TBC1D8: variants seen among roughly 807,000 people sequenced by gnomAD.
TBC1D8 encodes BUB2-like protein 1.
A neutral mutation model predicts 118.8 loss-of-function variants in TBC1D8; 65 were observed. The ratio of observed to expected loss-of-function variants is 0.55; its 90% confidence interval spans 0.45 to 0.67. The LOEUF (loss-of-function observed/expected upper bound fraction) is 0.67, where lower values mean the gene tolerates loss of function less well. Ranked by LOEUF, TBC1D8 falls within the 30% of genes least tolerant of loss-of-function variation. TBC1D8 has a pLI of 0.00. For missense variants in TBC1D8, 1,376 were observed against 1,471.2 expected, an observed-to-expected ratio of 0.94 and a Z score of 1.06; for synonymous variants, 566 against 595.8, an observed-to-expected ratio of 0.95 and a Z score of 0.73.
chr2:101,050,245 G>C (rs1681976294), intron 5 of TBC1D8, among the ~76,000 whole-genome samples, 156 bp downstream of exon 5: 1 of 152,178 alleles, frequency 6.6e-6, no homozygotes, highest in Admixed American at 6.5e-5. Flanking sequence ...TCATATCTCT[G>C]TCGAGATTAA....
rs368448239 is a variant in TBC1D8 at position 101,038,608 on chromosome 2, G to C, written c.1128C>G (p.Pro376=). The C allele has an allele frequency of 2.3e-5, 37 of 1,613,868 alleles. No homozygotes were observed. The highest frequency in any genetic ancestry group is 3.1e-5 in the Non-Finnish European group (36 of 1,179,928). The change falls in exon 7 of 20, where the codon CCC becomes CCG. Residue 376 remains proline (P), a synonymous_variant. Transcript: ENST00000409318. ...CCTTGCTTCTGATACTGACAATGAT[G>C]GGATGCGGCAGCAGGCTCGTGTCCT... ...KMEDTSLLPH[P]IIVSIRSKVA...
At chr2:101,142,603 C>A (rs1268959879) in intron 1 of TBC1D8, among the ~76,000 whole-genome samples, 1 of 152,102 alleles carries the variant, frequency 6.6e-6, no homozygotes, top group African/African-American at 2.4e-5. Flanking sequence ...CGGCAGCTAC[C>A]ATGGGTCAAA....
chr2:101,053,285 C>T (rs1189290433), intron 4 of TBC1D8, among the ~76,000 whole-genome samples: 5 of 152,134 alleles, frequency 3.3e-5, no homozygotes, highest in South Asian at 2.1e-4. Flanking sequence ...GGGCACACTC[C>T]GAGGGTGTGG....
intron 1 of TBC1D8, among the ~76,000 whole-genome samples, chr2:101,095,781 G>T (rs536264085): frequency 1.3e-5 from 2 of 152,192 alleles, no homozygotes; most frequent in South Asian, 4.1e-4. Flanking sequence ...CATGCAAAAA[G>T]GGCATTTCTC....
intron 1 of TBC1D8, among the ~76,000 whole-genome samples, chr2:101,116,149 T>A (rs1164667679): frequency 6.6e-6 from 1 of 152,200 alleles, no homozygotes. Flanking sequence ...TTTCCAAGTT[T>A]CTTTCTGGTA....
intron 2 of TBC1D8, among the ~76,000 whole-genome samples, chr2:101,077,244 T>C (rs1674897956): frequency 6.7e-6 from 1 of 148,156 alleles, no homozygotes; most frequent in African/African-American, 2.5e-5. Context: ...AGGATGGTCT[T>C]GATCTCCTGA....
chr2:101,049,276 C>G (rs755104395), intron 5 of TBC1D8, among the ~76,000 whole-genome samples: 1 of 152,230 alleles, frequency 6.6e-6, no homozygotes, highest in Non-Finnish European at 1.5e-5. Flanking sequence ...AAACAACTAT[C>G]TCACAAGTCT....
chr2:101,074,327 A>T (rs1322144420), intron 2 of TBC1D8, among the ~76,000 whole-genome samples: 1 of 152,212 alleles, frequency 6.6e-6, no homozygotes, highest in Admixed American at 6.5e-5. Context: ...TTACAACAGT[A>T]ACAACTAAGA....
intron 1 of TBC1D8, among the ~76,000 whole-genome samples, chr2:101,110,257 C>A (rs150047191): frequency 6.6e-6 from 1 of 152,316 alleles, no homozygotes; most frequent in South Asian, 2.1e-4. Flanking sequence ...CTCAGAGAAG[C>A]CTTCCCATGG....
chr2:101,044,292 A>T (rs1681565910), intron 5 of TBC1D8, among the ~76,000 whole-genome samples: 1 of 152,264 alleles, frequency 6.6e-6, no homozygotes, highest in Non-Finnish European at 1.5e-5. Context: ...TATACAAGAT[A>T]GTTAAATTTC....
At chr2:101,052,667 G>A (rs970865485) in intron 4 of TBC1D8, among the ~76,000 whole-genome samples, 2 of 151,914 alleles carry the variant, frequency 1.3e-5, no homozygotes, top group Non-Finnish European at 2.9e-5. Context: ...AGTAGAGGCG[G>A]GGTTTCCACT....
At chr2:101,037,297 G>A (rs577135761) in intron 8 of TBC1D8, among the ~76,000 whole-genome samples, 86 of 152,350 alleles carry the variant, frequency 5.6e-4, no homozygotes, top group Admixed American at 1.8e-3. Flanking sequence ...GGCCAGCTCC[G>A]CAGGCCCCAC....
chr2:101,083,627 A>G (rs1225316687), intron 2 of TBC1D8, among the ~76,000 whole-genome samples: 2 of 152,178 alleles, frequency 1.3e-5, no homozygotes, highest in Non-Finnish European at 2.9e-5. Context: ...TACTTAGAAA[A>G]AAAGGAAAAA....
intron 2 of TBC1D8, among the ~76,000 whole-genome samples, chr2:101,072,764 G>A (rs915841938): frequency 1.3e-5 from 2 of 152,008 alleles, no homozygotes; most frequent in African/African-American, 2.4e-5. Flanking sequence ...CGCTCACCTC[G>A]TCCTGTGTGG....
chr2:101,121,931 C>T (rs555527159), intron 1 of TBC1D8, among the ~76,000 whole-genome samples: 4 of 152,062 alleles, frequency 2.6e-5, no homozygotes, highest in Non-Finnish European at 4.4e-5. Context: ...CCAGGCATGG[C>T]GGCAGGCGCT....
chr2:101,037,848 GC>G, intron 7 of TBC1D8, 140 bp from the exon 8 acceptor site: 3 of 1,028,610 alleles, frequency 2.9e-6, no homozygotes, highest in Non-Finnish European at 4.3e-6. Flanking sequence ...ACAGACTGAC[GC>G]CAGACCAGAC....
chr2:101,018,073 C>CT, intron 17 of TBC1D8: 1 of 751,920 alleles, frequency 1.3e-6, no homozygotes, highest in Non-Finnish European at 2.1e-6. Context: ...ACAATCTAGG[C>CT]TAATGGGACT....
chr2:101,076,433 C>T (rs113469143), intron 2 of TBC1D8, among the ~76,000 whole-genome samples: 2 of 152,174 alleles, frequency 1.3e-5, no homozygotes, highest in South Asian at 2.1e-4. Flanking sequence ...CCTGAGAGAA[C>T]GCAAAATAAA....
intron 1 of TBC1D8, among the ~76,000 whole-genome samples, chr2:101,136,326 A>G (rs1678853588): frequency 6.6e-6 from 1 of 151,758 alleles, no homozygotes; most frequent in Non-Finnish European, 1.5e-5. Context: ...ACCTACCCCT[A>G]CCCTCACCAT....
Sources: allele counts gnomAD v4.1 joint callset (sites outside exome capture counted in the v4.1 genomes callset), GRCh38; gene constraint gnomAD v4.1.1; transcripts MANE v1.5; gene names NCBI Gene and HGNC (gene_info 2026-07-23, HGNC 2026-07-21).